AGAP1: variants seen among roughly 807,000 people sequenced by gnomAD.
AGAP1 encodes the protein arf-GAP with GTPase, ANK repeat and PH domain-containing protein 1.
A neutral mutation model predicts 105.3 loss-of-function variants in AGAP1; 29 were observed. That is an observed-to-expected ratio of 0.28 (90% CI 0.21 to 0.38). The LOEUF (loss-of-function observed/expected upper bound fraction) is 0.38. Among genes scored for constraint, AGAP1 ranks in the 10% least tolerant of loss-of-function variants. AGAP1 has a pLI of 1.00. For missense variants in AGAP1, 998 were observed against 1,165.1 expected, an observed-to-expected ratio of 0.86 and a Z score of 2.09; for synonymous variants, 509 against 485.9, an observed-to-expected ratio of 1.05 and a Z score of -0.63.
rs976474933 is a variant in AGAP1, at chr2:235,639,343, G to C, written c.164-69836G>C. Among the ~76,000 whole-genome samples the C allele has an allele frequency of 5.9e-5, 9 of 152,162 alleles. No homozygotes were observed. Among genetic ancestry groups the C allele is most frequent in the African/African-American group, 1.9e-4 (8 of 41,446 alleles). ...AAGATGGAAAGCACGCCCTGGAGGT[G>C]GGTGGGTGAGCTCACCCAGGACCAC... On this transcript the variant is annotated intron_variant, in intron 1 of 17. Transcript: ENST00000304032. The surrounding 1 kb of genome is among the most constrained non-coding windows in gnomAD (Gnocchi z 5.3).
intron 1 of AGAP1, among the ~76,000 whole-genome samples, chr2:235,672,153 G>T (rs1222194605): frequency 6.6e-6 from 1 of 152,178 alleles, no homozygotes; most frequent in Admixed American, 6.5e-5. Context: ...TCAGACTGCT[G>T]TGTAACCCAC....
At chr2:235,892,021 G>T (rs1315834956) in intron 10 of AGAP1, among the ~76,000 whole-genome samples, 1 of 152,136 alleles carries the variant, frequency 6.6e-6, no homozygotes, top group African/African-American at 2.4e-5. Flanking sequence ...AGGTGTGCTG[G>T]TGGGTGCCTG....
intron 1 of AGAP1, among the ~76,000 whole-genome samples, chr2:235,682,868 G>A (rs1340985455): frequency 6.6e-6 from 1 of 151,874 alleles, no homozygotes; most frequent in African/African-American, 2.4e-5. Context: ...GTTGCCAGCT[G>A]CTGTAGTTCT....
In AGAP1 at chr2:235,600,161, A is replaced by G. The variant is rs1312033962; in HGVS notation, c.163+105312A>G. Among the ~76,000 whole-genome samples, 1 of 152,148 alleles carries G rather than the reference A, an allele frequency of 6.6e-6. No homozygotes were observed. Among genetic ancestry groups the G allele is most frequent in the South Asian group, 2.1e-4 (1 of 4,824 alleles). The stretch of plus-strand genomic sequence containing the variant: ...GTTCAAGTCCCTTGTCCAAAATCCA[A>G]AAAGCCGACACTGGAAATATTCTGT... On this transcript the variant is annotated intron_variant, in intron 1 of 17. Coordinates refer to ENST00000304032, the MANE Select transcript of AGAP1 (RefSeq NM_001037131.3). This position sits in a 1 kb window ranked among gnomAD's most constrained non-coding sequence, Gnocchi z 4.8.
chr2:235,499,588 G>A (rs1353804248), intron 1 of AGAP1, among the ~76,000 whole-genome samples: 1 of 152,132 alleles, frequency 6.6e-6, no homozygotes, highest in African/African-American at 2.4e-5. Flanking sequence ...TCCACAATGC[G>A]GGCGTTCCTT....
At chr2:235,814,597 G>A (rs1054918241) in intron 9 of AGAP1, among the ~76,000 whole-genome samples, 6 of 152,170 alleles carry the variant, frequency 3.9e-5, no homozygotes, top group Non-Finnish European at 8.8e-5. Context: ...GCTCAGGTGT[G>A]TACTGACGAT....
At position 235,724,591 on chromosome 2, in the gene AGAP1, A is replaced by AG. The variant is rs1053884453; in HGVS notation, c.310+6952dup. On this transcript the variant is annotated intron_variant, in intron 3 of 17. Coordinates refer to ENST00000304032, the MANE Select transcript of AGAP1 (RefSeq NM_001037131.3). This position sits in a 1 kb window ranked among gnomAD's most constrained non-coding sequence, Gnocchi z 4.9. ...AAAAGGTACCTGCGGTGGTGGGGGGAGGGGGAGTTCCCTATGTAAAGAAGA... is the reference window on the plus strand; with the variant it reads ...AAAAGGTACCTGCGGTGGTGGGGGGAGGGGGGAGTTCCCTATGTAAAGAAGA... Among the ~76,000 whole-genome samples the AG allele has an allele frequency of 5.9e-5, 9 of 151,926 alleles. No homozygotes were observed. Among genetic ancestry groups the AG allele is most frequent in the African/African-American group, 2.2e-4 (9 of 41,342 alleles).
intron 15 of AGAP1, among the ~76,000 whole-genome samples, chr2:236,043,994 G>A (rs954042630): frequency 6.6e-6 from 1 of 152,092 alleles, no homozygotes; most frequent in Non-Finnish European, 1.5e-5. Context: ...TGCAGAGAAT[G>A]CTCTAGACCG....
intron 12 of AGAP1, among the ~76,000 whole-genome samples, chr2:235,935,032 G>T (rs2052922111): frequency 6.6e-6 from 1 of 152,136 alleles, no homozygotes; most frequent in African/African-American, 2.4e-5. Context: ...CTTTGTAGGG[G>T]CAACCTACAA....
At chr2:235,567,095 G>A (rs1347753250) in intron 1 of AGAP1, among the ~76,000 whole-genome samples, 1 of 152,176 alleles carries the variant, frequency 6.6e-6, no homozygotes, top group African/African-American at 2.4e-5. Context: ...CCTGGTTGCG[G>A]GGACTGTGTG....
intron 1 of AGAP1, among the ~76,000 whole-genome samples, chr2:235,703,817 GA>G (rs1022443164): frequency 6.6e-6 from 1 of 152,040 alleles, no homozygotes; most frequent in African/African-American, 2.4e-5. Flanking sequence ...GGCTAGTCTG[GA>G]ACTCCTGACC....
rs1328133046 is a variant in AGAP1 at position 235,872,375 on chromosome 2, G to A, written c.1051-10970G>A. The stretch of plus-strand genomic sequence containing the variant: ...ACAGCAAGAAAGAATCTTAAGCAGA[G>A]ATGGTTTTCACATGTACAAAAGTGG... On this transcript the variant is annotated intron_variant, in intron 9 of 17. Coordinates refer to ENST00000304032, the MANE Select transcript of AGAP1 (RefSeq NM_001037131.3). This position sits in a 1 kb window ranked among gnomAD's most constrained non-coding sequence, Gnocchi z 4.5. 2.0e-5 allele frequency among the ~76,000 whole-genome samples: 3 copies of A among 152,198 alleles called. No homozygotes were observed. The highest frequency in any genetic ancestry group is 4.4e-5 in the Non-Finnish European group (3 of 68,038).
At chr2:235,568,054 T>C (rs1190167322) in intron 1 of AGAP1, among the ~76,000 whole-genome samples, 1 of 152,062 alleles carries the variant, frequency 6.6e-6, no homozygotes, top group Non-Finnish European at 1.5e-5. Context: ...GCCAGTTCCC[T>C]TCAGTCTCTG....
At chr2:235,519,749 G>A (rs543598845) in intron 1 of AGAP1, among the ~76,000 whole-genome samples, 6 of 152,194 alleles carry the variant, frequency 3.9e-5, no homozygotes, top group Admixed American at 1.3e-4. Context: ...AGTTCATCCT[G>A]TATATACCCT....
At chr2:235,985,663 T>C (rs371687645) in intron 13 of AGAP1, among the ~76,000 whole-genome samples, 1 of 152,234 alleles carries the variant, frequency 6.6e-6, no homozygotes, top group Middle Eastern at 3.2e-3. Context: ...GTTTTCTGCA[T>C]ATGGCTAGCC....
At chr2:235,512,399 C>T (rs1942184836) in intron 1 of AGAP1, among the ~76,000 whole-genome samples, 1 of 152,116 alleles carries the variant, frequency 6.6e-6, no homozygotes, top group African/African-American at 2.4e-5. Flanking sequence ...GAGTTCAAGA[C>T]CAGCCTGGGT....
chr2:235,955,282 A>C (rs917849755), intron 12 of AGAP1, among the ~76,000 whole-genome samples: 12 of 152,052 alleles, frequency 7.9e-5, no homozygotes, highest in Admixed American at 7.2e-4. Flanking sequence ...GGCCATCCTG[A>C]GGAGCGGGGA....
chr2:235,716,400 C>CG lies in AGAP1; in HGVS notation c.223-1154dup. Among the ~76,000 whole-genome samples the CG allele has an allele frequency of 6.6e-6, 1 of 152,120 alleles. No homozygotes were observed. The highest frequency in any genetic ancestry group is 2.4e-5 in the African/African-American group (1 of 41,490). ...GCTAGTGGCTTTGAAATGGAAGTTGCGGGTGACCTAGTGGGCAGTTTCCTG... is the reference window on the plus strand; with the variant it reads ...GCTAGTGGCTTTGAAATGGAAGTTGCGGGGTGACCTAGTGGGCAGTTTCCTG... On this transcript the variant is annotated intron_variant, in intron 2 of 17. Coordinates refer to ENST00000304032, the MANE Select transcript of AGAP1 (RefSeq NM_001037131.3). The surrounding 1 kb of genome is among the most constrained non-coding windows in gnomAD (Gnocchi z 4.0).
At chr2:236,060,591 C>A (rs114467155) in intron 16 of AGAP1, among the ~76,000 whole-genome samples, 2,143 of 151,854 alleles carry the variant, frequency 0.014, 51 homozygotes, top group African/African-American at 0.048. Context: ...GCTACTCAGG[C>A]GGCTGAGGCA....
Sources: gnomAD v4.1 joint callset for allele counts (sites outside exome capture counted in the v4.1 genomes callset) on GRCh38, gnomAD v4.1.1 for gene constraint, Gnocchi (gnomAD v3.1) non-coding constraint, MANE v1.5 for transcripts, NCBI Gene and HGNC (gene_info 2026-07-23, HGNC 2026-07-21) for gene names.